Variants in ASH1L observed in about 807,000 individuals in gnomAD.
The protein encoded by ASH1L is histone-lysine N-methyltransferase ASH1L.
ASH1L carries 23 observed loss-of-function variants against 269.0 expected under a neutral mutation model. The ratio of observed to expected loss-of-function variants is 0.09; its 90% CI spans 0.06 to 0.12. The LOEUF (loss-of-function observed/expected upper bound fraction) is 0.12, where lower values mean the gene tolerates loss of function less well. ASH1L is among the 10% of genes least tolerant of loss of function. The pLI, the probability that ASH1L is intolerant of heterozygous loss-of-function variation, is 1.00. For synonymous variants in ASH1L, 1,187 were observed against 1,253.5 expected, an observed-to-expected ratio of 0.95 and a Z score of 1.12; for missense variants, 2,912 against 3,567.8, an observed-to-expected ratio of 0.82 and a Z score of 4.68.
At chr1:155,490,654 A>ACACACACTCT (rs1345649483) in intron 2 of ASH1L, among the ~76,000 whole-genome samples, 1 of 148,252 alleles carries the variant, frequency 6.7e-6, no homozygotes, top group African/African-American at 2.5e-5. Flanking sequence ...ATACACACAC[A>ACACACACTCT]CTCTCTCTCT....
At chr1:155,390,969 G>A (rs564598064) in intron 7 of ASH1L, among the ~76,000 whole-genome samples, 56 of 148,694 alleles carry the variant, frequency 3.8e-4, no homozygotes, top group East Asian at 3.4e-3. Context: ...TTTTTGAGAC[G>A]GAGTCTTGCT....
intron 1 of ASH1L, among the ~76,000 whole-genome samples, chr1:155,544,155 C>T (rs747727286): frequency 2.6e-5 from 4 of 151,910 alleles, no homozygotes; most frequent in Non-Finnish European, 4.4e-5. Context: ...CCTCCCACCT[C>T]GGCCTCCCAA....
intron 5 of ASH1L, among the ~76,000 whole-genome samples, chr1:155,437,439 T>C (rs935744276): frequency 1.3e-5 from 2 of 151,986 alleles, no homozygotes; most frequent in East Asian, 3.9e-4. Context: ...AAAAAAAAAA[T>C]TGAAAATAGC....
At chr1:155,392,107 C>T (rs925097141) in intron 7 of ASH1L, among the ~76,000 whole-genome samples, 10 of 152,150 alleles carry the variant, frequency 6.6e-5, no homozygotes, top group African/African-American at 2.2e-4. Context: ...TACTTAGTAT[C>T]TTTAGTCTCA....
chr1:155,444,366 GAGTT>G (rs1300597811), intron 4 of ASH1L, among the ~76,000 whole-genome samples: 1 of 152,134 alleles, frequency 6.6e-6, no homozygotes, highest in Non-Finnish European at 1.5e-5. Flanking sequence ...ATCAATGACT[GAGTT>G]AAAGATCCTA....
At chr1:155,554,726 CTG>C (rs1671465820) in intron 1 of ASH1L, among the ~76,000 whole-genome samples, 1 of 152,138 alleles carries the variant, frequency 6.6e-6, no homozygotes, top group South Asian at 2.1e-4. Flanking sequence ...AAAAAAAACA[CTG>C]TATGTCTTTT....
intron 3 of ASH1L, among the ~76,000 whole-genome samples, chr1:155,463,570 G>T (rs961736412): frequency 6.6e-6 from 1 of 152,000 alleles, no homozygotes; most frequent in Non-Finnish European, 1.5e-5. Context: ...AGGTAGCCAG[G>T]TTGCTTGAGT....
chr1:155,345,637 C>T (rs948392417), intron 21 of ASH1L, among the ~76,000 whole-genome samples: 3 of 127,774 alleles, frequency 2.3e-5, no homozygotes, highest in Non-Finnish European at 3.2e-5. Flanking sequence ...TGCAGTGATG[C>T]GATCTTGGCT....
chr1:155,347,513 A>G, intron 20 of ASH1L, 143 bp downstream of exon 20: 1 of 1,032,190 alleles, frequency 9.7e-7, no homozygotes, highest in East Asian at 2.4e-5. Flanking sequence ...TATAGTAAAC[A>G]CAGAAACCTA....
chr1:155,424,072 T>A (rs772977159), intron 5 of ASH1L, among the ~76,000 whole-genome samples: 1 of 152,166 alleles, frequency 6.6e-6, no homozygotes, highest in Non-Finnish European at 1.5e-5. Context: ...CCCCAATCTA[T>A]GGTACATATC....
Position 155,370,832 on chromosome 1 carries a change from C to G in ASH1L, c.6484G>C (p.Ala2162Pro). 1.9e-6 allele frequency: 3 copies of G among 1,614,198 alleles called. No individual in the cohort carries two copies. Among genetic ancestry groups the G allele is most frequent in the Non-Finnish European group, 2.5e-6 (3 of 1,180,032 alleles). The part of the protein sequence containing the change: ...WGIRTKEPLK[A>P]GQFIIEYLGE... ...AGGTATTCAATGATGAACTGCCCAG[C>G]TTTTAGGGGCTCTTTGGTTCTGATT... Residue 2162 changes from alanine to proline, a missense_variant, in exon 11 of 28, where the codon GCT becomes CCT. Physicochemically the swap from Ala to Pro is conservative, Grantham distance 27. This residue lies in a region of ASH1L where 193 missense variants were observed against 311.6 expected (regional missense o/e 0.62). Transcript: ENST00000392403.
rs1352368202 is a variant in ASH1L at position 155,349,309 on chromosome 1, G to C, written c.7554+18C>G. The C allele has an allele frequency of 1.2e-6, 2 of 1,604,352 alleles. No homozygotes were observed. The highest frequency in any genetic ancestry group is 1.1e-5 in the South Asian group (1 of 90,578). ...CAGAACAAACTTGTGAAATCTGTTT[G>C]AAGTCAGTGAAAAATACCTCAGCAT... On this transcript the variant is annotated intron_variant, in intron 19 of 27. Transcript: ENST00000392403.
chr1:155,429,714 G>A (rs1420401621), intron 5 of ASH1L, among the ~76,000 whole-genome samples: 1 of 152,088 alleles, frequency 6.6e-6, no homozygotes, highest in Non-Finnish European at 1.5e-5. Context: ...TTACAAACAG[G>A]GAAAGTATGG....
chr1:155,439,134 A>G, intron 4 of ASH1L, 66 bp from the exon 5 acceptor site: 4 of 1,484,322 alleles, frequency 2.7e-6, no homozygotes, highest in Non-Finnish European at 3.6e-6. Flanking sequence ...ATAAGTTTTT[A>G]CACAGATAAA....
chr1:155,553,579 C>A (rs1235965432), intron 1 of ASH1L, among the ~76,000 whole-genome samples: 1 of 152,082 alleles, frequency 6.6e-6, no homozygotes, highest in African/African-American at 2.4e-5. Flanking sequence ...ACCTAGAACG[C>A]CCTCTCTTAA....
chr1:155,438,482 G>A lies in ASH1L; in HGVS notation c.5673C>T (p.Asp1891=), dbSNP rs775814765. The part of the protein sequence containing the change: ...EEGAALHLSP[D]TVTDVIEAVV... The stretch of plus-strand genomic sequence containing the variant: ...CAGCCTCAATTACATCTGTAACTGT[G>A]TCAGGACTGAGGTGCAGTGCTGCTC... Residue 1891 remains aspartate (D), a synonymous_variant, in exon 5 of 28, where the codon GAC becomes GAT. Coordinates refer to ENST00000392403, the MANE Select transcript of ASH1L (RefSeq NM_018489.3). The A allele has an allele frequency of 5.6e-6, 9 of 1,613,866 alleles. No homozygotes were observed. Among genetic ancestry groups the A allele is most frequent in the South Asian group, 4.4e-5 (4 of 91,006 alleles).
At chr1:155,400,131 A>G (rs1558064915) in intron 6 of ASH1L, among the ~76,000 whole-genome samples, 1 of 152,090 alleles carries the variant, frequency 6.6e-6, no homozygotes, top group Non-Finnish European at 1.5e-5. Flanking sequence ...GCAAATCACG[A>G]GGTCAGGAGA....
chr1:155,352,568 G>C, intron 17 of ASH1L, 138 bp downstream of exon 17: 1 of 797,784 alleles, frequency 1.3e-6, no homozygotes, highest in Non-Finnish European at 1.8e-6. Flanking sequence ...ACTTTGGGAG[G>C]CCTAGACAGA....
At chr1:155,369,483 G>A (rs906697729) in intron 12 of ASH1L, among the ~76,000 whole-genome samples, 2 of 151,272 alleles carry the variant, frequency 1.3e-5, no homozygotes, top group Admixed American at 6.6e-5. Context: ...CTCTGTATAT[G>A]AATTACACTT....
Sources: allele counts gnomAD v4.1 joint callset (sites outside exome capture counted in the v4.1 genomes callset), GRCh38; gene constraint gnomAD v4.1.1; regional missense constraint gnomAD v4.1.1; transcripts MANE v1.5; gene names NCBI Gene and HGNC (gene_info 2026-07-23, HGNC 2026-07-21).